CAMTA1: variants seen among roughly 807,000 people sequenced by gnomAD.
CAMTA1 encodes calmodulin binding transcription activator 1.
CAMTA1 carries 27 observed loss-of-function variants against 170.9 expected under a neutral mutation model. The ratio of observed to expected loss-of-function variants is 0.16; its 90% CI spans 0.12 to 0.22. The LOEUF is 0.22. Among genes scored for constraint, CAMTA1 ranks in the 10% least tolerant of loss-of-function variants. CAMTA1 has a pLI of 1.00. For missense variants in CAMTA1, 1,619 were observed against 2,217.2 expected, an observed-to-expected ratio of 0.73 and a Z score of 5.42; for synonymous variants, 833 against 891.5, an observed-to-expected ratio of 0.93 and a Z score of 1.17.
At chr1:6,941,104 T>C (rs996898415) in intron 3 of CAMTA1, among the ~76,000 whole-genome samples, 8 of 152,030 alleles carry the variant, frequency 5.3e-5, no homozygotes, top group Non-Finnish European at 1.2e-4. Flanking sequence ...AGAGCAGGGA[T>C]GGAACTGAGG....
intron 5 of CAMTA1, among the ~76,000 whole-genome samples, chr1:7,261,972 G>A (rs924107944): frequency 7.9e-5 from 12 of 151,540 alleles, no homozygotes; most frequent in Admixed American, 3.3e-4. Context: ...TTCCTTACCC[G>A]TCTACATGCT....
chr1:7,542,839 G>GTTTGTGTGTGTGTGTA (rs200299440), intron 6 of CAMTA1, among the ~76,000 whole-genome samples: 2 of 129,776 alleles, frequency 1.5e-5, no homozygotes, highest in African/African-American at 6.1e-5. Flanking sequence ...CTAAAACACA[G>GTTTGTGTGTGTGTGTA]TGTGTGTGTG....
At chr1:7,232,545 C>A (rs1663034181) in intron 4 of CAMTA1, among the ~76,000 whole-genome samples, 1 of 152,138 alleles carries the variant, frequency 6.6e-6, no homozygotes, top group Non-Finnish European at 1.5e-5. Context: ...ATTGGCCTAT[C>A]TCCTTGCTAG....
chr1:7,707,238 G>A (rs924233655), intron 11 of CAMTA1, among the ~76,000 whole-genome samples: 3 of 152,190 alleles, frequency 2.0e-5, no homozygotes, highest in African/African-American at 4.8e-5. Context: ...ACTAAGAGCT[G>A]TCACTGCTGC....
intron 11 of CAMTA1, among the ~76,000 whole-genome samples, chr1:7,720,974 G>A (rs1309967832): frequency 6.6e-6 from 1 of 152,172 alleles, no homozygotes; most frequent in Non-Finnish European, 1.5e-5. Context: ...CTGCACCTGG[G>A]GAGCGGAGGC....
chr1:7,718,153 C>G (rs2096624784), intron 11 of CAMTA1, among the ~76,000 whole-genome samples: 1 of 150,290 alleles, frequency 6.7e-6, no homozygotes, highest in Admixed American at 6.6e-5. Flanking sequence ...CTTGTTCACC[C>G]TTAGTTCCCT....
In CAMTA1 at chr1:6,816,211, A is replaced by C. The variant is rs181252407; in HGVS notation, c.46-3970A>C. On this transcript the variant is annotated intron_variant, in intron 1 of 22. Coordinates refer to ENST00000303635, the MANE Select transcript of CAMTA1 (RefSeq NM_015215.4). ...TCCTTCCACTCCACCATGGCTGTAC[A>C]TTCAGAAACAATGAAAAACATCCTA... 2.0e-3 allele frequency among the ~76,000 whole-genome samples: 300 copies of C among 152,332 alleles called. 1 individual carries two copies. The highest frequency in any genetic ancestry group is 7.0e-3 in the African/African-American group (289 of 41,568).
At chr1:7,764,743 T>C (rs1198930586) in intron 22 of CAMTA1, among the ~76,000 whole-genome samples, 6 of 152,126 alleles carry the variant, frequency 3.9e-5, no homozygotes, top group Non-Finnish European at 8.8e-5. Flanking sequence ...GCAGATCACT[T>C]GAGCTCAGGA....
chr1:7,548,753 T>G (rs113379487), intron 6 of CAMTA1, among the ~76,000 whole-genome samples: 1 of 59,810 alleles, frequency 1.7e-5, no homozygotes, highest in African/African-American at 4.9e-5. Flanking sequence ...CTTGCAGGGT[T>G]CCTCTTAGAG....
chr1:7,092,986 A>G lies in CAMTA1; in HGVS notation c.302+1615A>G. On this transcript the variant is annotated intron_variant, in intron 4 of 22. Transcript: ENST00000303635. This position sits in a 1 kb window ranked among gnomAD's most constrained non-coding sequence, Gnocchi z 5.0. ...GCAAGTCCCCTGGCCAAGCCCAGTA[A>G]GAATGGGGCTGGGAAGGACATCCCT... Among the ~76,000 whole-genome samples the G allele has an allele frequency of 6.6e-6, 1 of 152,368 alleles. No individual in the cohort carries two copies. The highest frequency in any genetic ancestry group is 1.9e-4 in the East Asian group (1 of 5,184).
At chr1:7,662,782 A>G (rs1381281992) in intron 8 of CAMTA1, among the ~76,000 whole-genome samples, 2 of 151,992 alleles carry the variant, frequency 1.3e-5, no homozygotes, top group African/African-American at 4.8e-5. Flanking sequence ...AGGGTCGAGA[A>G]CCCTCTTTGG....
intron 4 of CAMTA1, among the ~76,000 whole-genome samples, chr1:7,204,549 TA>T (rs1165803381): frequency 3.3e-5 from 5 of 152,118 alleles, no homozygotes; most frequent in African/African-American, 1.2e-4. Context: ...CTTTTACATT[TA>T]TTGAGGTATG....
chr1:7,244,181 C>T (rs1223416686), intron 4 of CAMTA1, among the ~76,000 whole-genome samples: 1 of 152,100 alleles, frequency 6.6e-6, no homozygotes, highest in African/African-American at 2.4e-5. Context: ...CAAATCAAAA[C>T]CACAATGAGA....
intron 5 of CAMTA1, among the ~76,000 whole-genome samples, chr1:7,467,373 G>A (rs2093235726): frequency 6.6e-6 from 1 of 152,130 alleles, no homozygotes; most frequent in Non-Finnish European, 1.5e-5. Flanking sequence ...ACCGGCCAGG[G>A]CCCCCTGGCC....
intron 5 of CAMTA1, among the ~76,000 whole-genome samples, chr1:7,287,060 C>T (rs956230882): frequency 6.6e-6 from 1 of 152,204 alleles, no homozygotes; most frequent in African/African-American, 2.4e-5. Flanking sequence ...CAGAGATCAG[C>T]TGCCTGGAGC....
At position 7,221,223 on chromosome 1, in the gene CAMTA1, CTTT is replaced by C. The variant is rs5772270; in HGVS notation, c.303-28256_303-28254del. On this transcript the variant is annotated intron_variant, in intron 4 of 22. Coordinates refer to ENST00000303635, the MANE Select transcript of CAMTA1 (RefSeq NM_015215.4). ...GGGGCCTTTTCCCCAGAGCCTTATTCTTTTTTTTTTTTTTAATCTTTAGACAGA... is the reference window on the plus strand; with the variant it reads ...GGGGCCTTTTCCCCAGAGCCTTATTCTTTTTTTTTTTAATCTTTAGACAGA... 2.8e-5 allele frequency among the ~76,000 whole-genome samples: 4 copies of C among 144,486 alleles called. No homozygotes were observed. The South Asian group carries it at 6.7e-4, about 24-fold the overall frequency. The allele number at this position is 144,486 out of a possible 152,430, so 94.8% of individuals were successfully genotyped here. A position where few individuals can be genotyped will look rare whatever the true frequency, so the allele number is the denominator to read the frequency against.
At chr1:7,359,871 C>T (rs2085407336) in intron 5 of CAMTA1, among the ~76,000 whole-genome samples, 2 of 152,096 alleles carry the variant, frequency 1.3e-5, no homozygotes, top group African/African-American at 4.8e-5. Flanking sequence ...GGCTGCCGTA[C>T]CACAAACGGC....
At chr1:7,368,932 C>T (rs1157569208) in intron 5 of CAMTA1, 1 of 152,348 alleles carries the variant, frequency 6.6e-6, no homozygotes, top group East Asian at 1.9e-4. Flanking sequence ...GACTGTCACA[C>T]TGCACTGTGG....
At chr1:7,283,903 G>C (rs1671866474) in intron 5 of CAMTA1, among the ~76,000 whole-genome samples, 1 of 152,158 alleles carries the variant, frequency 6.6e-6, no homozygotes, top group African/African-American at 2.4e-5. Flanking sequence ...GACCCCATCA[G>C]TCCCTGCTCC....
Sources: allele counts gnomAD v4.1 joint callset (sites outside exome capture counted in the v4.1 genomes callset), GRCh38; gene constraint gnomAD v4.1.1; non-coding constraint Gnocchi (gnomAD v3.1); transcripts MANE v1.5; gene names NCBI Gene and HGNC (gene_info 2026-07-23, HGNC 2026-07-21).